The following FN1 variants were observed in gnomAD, a reference collection of about 807,000 sequenced individuals.
FN1 encodes the protein fibronectin.
In FN1, 106 loss-of-function variants were observed where a neutral mutation model predicts 297.3. The ratio of observed to expected loss-of-function variants is 0.36; its 90% confidence interval spans 0.30 to 0.42. The LOEUF is 0.42. Ranked by LOEUF, FN1 falls within the 10% of genes least tolerant of loss-of-function variation. The pLI, the probability that FN1 is intolerant of heterozygous loss-of-function variation, is 1.00. For synonymous variants in FN1, 1,149 were observed against 1,152.6 expected (o/e 1.00, Z 0.06); for missense variants, 2,690 against 3,124.9 (o/e 0.86, Z 3.32).
chr2:215,425,302 G>A lies in FN1; in HGVS notation c.845-17C>T, dbSNP rs1276986323. ...GGCCAGATCCTAATGGCATGAAAAG[G>A]GAATGTCACAAAACTGGGTGAGAGA... On this transcript the variant is annotated splice_polypyrimidine_tract_variant and intron_variant, in intron 6 of 45. Transcript: ENST00000354785. The A allele has an allele frequency of 2.1e-5, 34 of 1,613,126 alleles. No homozygotes were observed. Among genetic ancestry groups the A allele is most frequent in the African/African-American group, 2.7e-5 (2 of 74,982 alleles).
At chr2:215,422,860 G>C (rs868706478) in intron 9 of FN1, among the ~76,000 whole-genome samples, 1 of 152,112 alleles carries the variant, frequency 6.6e-6, no homozygotes, top group Non-Finnish European at 1.5e-5. Context: ...TTTAAAAAAA[G>C]AGTGAGATTC....
intron 29 of FN1, 34 bp from the exon 30 acceptor site, chr2:215,384,218 G>C: frequency 1.9e-6 from 3 of 1,605,162 alleles, no homozygotes; most frequent in Non-Finnish European, 2.6e-6. Flanking sequence ...GAGTGTGAGG[G>C]GTTTAGAGCT....
intron 41 of FN1, 80 bp downstream of exon 41, chr2:215,370,214 A>G: frequency 7.0e-7 from 1 of 1,427,206 alleles, no homozygotes; most frequent in African/African-American, 1.4e-5. Context: ...CAATGGCAAC[A>G]AAGGTACAGT....
chr2:215,379,740 C>T (rs1054591644), intron 33 of FN1: 48 of 234,354 alleles, frequency 2.0e-4, no homozygotes, highest in African/African-American at 1.1e-3. Context: ...GTCATCCAGG[C>T]GGCAGTGCAG....
chr2:215,423,593 T>C (rs2064823838), intron 8 of FN1, 67 bp from the exon 9 acceptor site: 1 of 1,471,804 alleles, frequency 6.8e-7, no homozygotes, highest in Non-Finnish European at 9.4e-7. Flanking sequence ...TACACAGAAT[T>C]ACTGGTCTGA....
In FN1 at chr2:215,436,046, T is replaced by G; in HGVS notation, c.-244A>C. 1 of 721,598 alleles carries G rather than the reference T, an allele frequency of 1.4e-6. No homozygotes were observed. Among genetic ancestry groups the G allele is most frequent in the East Asian group, 3.2e-5 (1 of 31,328 alleles). 44.7% of individuals were successfully genotyped at this position (721,598 alleles called of 1,614,324 possible). On this transcript the variant is annotated 5_prime_UTR_variant, in exon 1 of 46. Coordinates refer to ENST00000354785, the MANE Select transcript of FN1 (RefSeq NM_212482.4). Reference sequence around the variant, plus strand: ...CGCCTGGGGTTCCCTCTCCTCCCCCTGTGCAGCACAGCCGGCGCGGGCGTC... The same window carrying G: ...CGCCTGGGGTTCCCTCTCCTCCCCCGGTGCAGCACAGCCGGCGCGGGCGTC...
chr2:215,391,580 T>G (rs368379640), intron 26 of FN1, 52 bp downstream of exon 26: 6 of 1,501,770 alleles, frequency 4.0e-6, no homozygotes, highest in Non-Finnish European at 4.6e-6. Context: ...TTAGAATTCA[T>G]TTGCTATGCT....
intron 3 of FN1, among the ~76,000 whole-genome samples, chr2:215,432,627 C>T (rs1030291025): frequency 4.6e-5 from 7 of 152,112 alleles, no homozygotes; most frequent in South Asian, 2.1e-4. Context: ...GTCTTTAAGA[C>T]GACTTATATT....
At chr2:215,378,987 G>A (rs1395296755) in intron 34 of FN1, 143 bp downstream of exon 34, 14 of 832,078 alleles carry the variant, frequency 1.7e-5, no homozygotes, top group South Asian at 6.3e-5. Context: ...AAGGAATTCC[G>A]TTGATATAAA....
At chr2:215,424,798 T>C (rs1411883867) in intron 7 of FN1, among the ~76,000 whole-genome samples, 1 of 152,216 alleles carries the variant, frequency 6.6e-6, no homozygotes, top group Non-Finnish European at 1.5e-5. Flanking sequence ...CTGCTGAAAT[T>C]TGAGATTTAG....
intron 22 of FN1, 88 bp downstream of exon 22, chr2:215,397,592 A>AT: frequency 9.0e-7 from 1 of 1,108,828 alleles, no homozygotes; most frequent in South Asian, 1.2e-5. Context: ...TGCCATTCTC[A>AT]TAAGTAAAAA....
At chr2:215,373,769 T>G (rs539090107) in intron 38 of FN1, among the ~76,000 whole-genome samples, 1 of 149,408 alleles carries the variant, frequency 6.7e-6, no homozygotes, top group Non-Finnish European at 1.5e-5. Context: ...AAGCTCCGCT[T>G]CCCAGGTTCA....
At chr2:215,429,325 T>C (rs1342126803) in intron 5 of FN1, among the ~76,000 whole-genome samples, 1 of 152,226 alleles carries the variant, frequency 6.6e-6, no homozygotes, top group Non-Finnish European at 1.5e-5. Context: ...AAATGATAAT[T>C]TGTAACTAAA....
At position 215,373,417 on chromosome 2, in the gene FN1, G is replaced by C. The variant is rs755318371; in HGVS notation, c.6158-6C>G. On this transcript the variant is annotated splice_polypyrimidine_tract_variant and splice_region_variant and intron_variant, in intron 38 of 45. Transcript: ENST00000354785. ...TTCGGTTCCCGGTTCCAGGCCTGAA[G>C]GGAGAATAGAACCATCACATTATGT... 6 of 1,609,824 alleles carry C rather than the reference G, an allele frequency of 3.7e-6. No homozygotes were observed. Among genetic ancestry groups the C allele is most frequent in the Admixed American group, 1.7e-5 (1 of 59,948 alleles).
rs1232794138 is a variant in FN1, at chr2:215,365,577, G to A, written c.7072C>T (p.Gln2358Ter). The change falls in exon 43 of 46, where the codon CAG becomes TAG. Residue 2358 changes from glutamine to a stop codon, truncating the protein, a stop_gained. Transcript: ENST00000354785. LOFTEE classifies it high-confidence loss of function. ...CTCATCATCTGGCCATTTTCTCCCT[G>A]ACGGTCCCACTTCTCTCCAATCTTG... ...NYKIGEKWDR[Q>*]GENGQMMSCT... is the part of the protein sequence containing the mutation. 6.2e-7 allele frequency: 1 copy of A among 1,613,818 alleles called. No individual in the cohort carries two copies. Among genetic ancestry groups the A allele is most frequent in the Non-Finnish European group, 8.5e-7 (1 of 1,179,890 alleles).
intron 15 of FN1, 130 bp downstream of exon 15, chr2:215,409,432 TG>T: frequency 1.2e-6 from 1 of 842,688 alleles, no homozygotes. Context: ...TGCCAGAGGG[TG>T]GTTTGTTCAG....
chr2:215,415,034 C>A, intron 12 of FN1, 76 bp from the exon 13 acceptor site: 1 of 1,128,388 alleles, frequency 8.9e-7, no homozygotes, highest in Non-Finnish European at 1.3e-6. Flanking sequence ...CATGGACAGT[C>A]ATCATTATAA....
chr2:215,435,711 C>T lies in FN1; in HGVS notation c.92G>A (p.Arg31Lys). ...VPSTGASKSKRQAQQMVQPQS... is the reference protein window; with the variant it reads ...VPSTGASKSKKQAQQMVQPQS... ...GGGCTGAACCATTTGCTGAGCCTGCCTCTTGCTCTTCGAGGCTCCCGTGGA... is the reference window on the plus strand; with the variant it reads ...GGGCTGAACCATTTGCTGAGCCTGCTTCTTGCTCTTCGAGGCTCCCGTGGA... Residue 31 changes from arginine (R) to lysine (K), a missense_variant, in exon 1 of 46, where the codon AGG (arginine) becomes AAG (lysine). By Grantham distance (26) the Arg-to-Lys change is conservative (BLOSUM62 2). Coordinates refer to ENST00000354785, the MANE Select transcript of FN1 (RefSeq NM_212482.4). 6.2e-7 allele frequency: 1 copy of T among 1,612,524 alleles called. No homozygotes were observed. Among genetic ancestry groups the T allele is most frequent in the Non-Finnish European group, 8.5e-7 (1 of 1,179,636 alleles).
rs2056614021 is a variant in FN1, at chr2:215,373,361, T to C, written c.6208A>G (p.Asn2070Asp). 1 of 1,613,564 alleles carries C rather than the reference T, an allele frequency of 6.2e-7. No homozygotes were observed. Among genetic ancestry groups the C allele is most frequent in the Admixed American group, 1.7e-5 (1 of 59,994 alleles). ...YTIYVIALKN[N>D]QKSEPLIGRK... The stretch of plus-strand genomic sequence containing the variant: ...CCAATCAGGGGCTCGCTCTTCTGAT[T>C]ATTCTTCAGGGCAATGACATAAATT... Residue 2070 changes from asparagine to aspartate, a missense_variant, in exon 39 of 46, where the codon AAT (asparagine) becomes GAT (aspartate). Physicochemically the swap from Asn to Asp is conservative, Grantham distance 23. Transcript: ENST00000354785.
Sources: gnomAD v4.1 joint callset for allele counts (sites outside exome capture counted in the v4.1 genomes callset) on GRCh38, gnomAD v4.1.1 for gene constraint, MANE v1.5 for transcripts, NCBI Gene and HGNC (gene_info 2026-07-23, HGNC 2026-07-21) for gene names.